The following AIG1 variants were observed in gnomAD, a reference collection of about 807,000 sequenced individuals.
AIG1 encodes androgen-induced gene 1 protein.
Under a neutral mutation model 31.4 loss-of-function variants are expected in AIG1, and 23 were observed. The observed-to-expected ratio is 0.73, with a 90% CI of 0.53 to 1.04. The LOEUF (loss-of-function observed/expected upper bound fraction) is 1.04. Ranked by LOEUF, AIG1 falls within the 50% of genes least tolerant of loss-of-function variation. The pLI, the probability that AIG1 is intolerant of heterozygous loss-of-function variation, is 0.00. For synonymous variants in AIG1, 100 were observed against 110.5 expected (o/e 0.90, Z 0.60); for missense variants, 274 against 295.0 (o/e 0.93, Z 0.52).
intron 4 of AIG1, among the ~76,000 whole-genome samples, chr6:143,300,616 A>G (rs975358691): frequency 6.6e-6 from 1 of 152,202 alleles, no homozygotes; most frequent in African/African-American, 2.4e-5. Context: ...GCTTTCAAAG[A>G]CCTTTTAAAT....
Position 143,338,144 on chromosome 6 carries a change from T to C in AIG1, c.680-1495T>C, listed in dbSNP as rs1039477997. ...TTTAAAAAGAAAAGCAAACTGCTCTTAGCCCCTGATAGCTTCTCCACAGGA... is the reference window on the plus strand; with the variant it reads ...TTTAAAAAGAAAAGCAAACTGCTCTCAGCCCCTGATAGCTTCTCCACAGGA... On this transcript the variant is annotated intron_variant, in intron 5 of 5. Coordinates refer to ENST00000357847, the MANE Select transcript of AIG1 (RefSeq NM_016108.4). This position sits in a 1 kb window ranked among gnomAD's most constrained non-coding sequence, Gnocchi z 4.3. 7.6e-6 allele frequency: 3 copies of C among 397,010 alleles called. No homozygotes were observed. The highest frequency in any genetic ancestry group is 4.4e-5 in the Admixed American group (1 of 22,668). 24.6% of individuals were successfully genotyped at this position (397,010 alleles called of 1,614,324 possible). A position where few individuals can be genotyped will look rare whatever the true frequency, so the allele number is the denominator to read the frequency against.
rs111541804 is a variant in AIG1, at chr6:143,076,051, G to A, written c.141+14985G>A. On this transcript the variant is annotated intron_variant, in intron 1 of 5. Coordinates refer to ENST00000357847, the MANE Select transcript of AIG1 (RefSeq NM_016108.4). ...GAAATATGTATTTTGCTTTTAGTAA[G>A]TGGAGTGTTTCTTAAATGTCAACTA... Among the ~76,000 whole-genome samples, 443 of 152,322 alleles carry A rather than the reference G, an allele frequency of 2.9e-3. 4 individuals are homozygous for A. The highest frequency in any genetic ancestry group is 0.01 in the African/African-American group (425 of 41,578).
At chr6:143,144,932 A>T (rs995743839) in intron 2 of AIG1, among the ~76,000 whole-genome samples, 1 of 152,240 alleles carries the variant, frequency 6.6e-6, no homozygotes. Context: ...TAATCCAGCC[A>T]ACTATGGTTT....
downstream of AIG1, chr6:143,343,390 G>A (rs1777895468): frequency 1.8e-6 from 1 of 562,056 alleles, no homozygotes; most frequent in Admixed American, 1.9e-5. Flanking sequence ...GTAAAACTGG[G>A]ATTGCACAGT....
At chr6:143,216,549 G>A (rs1792044243) in intron 3 of AIG1, among the ~76,000 whole-genome samples, 1 of 152,222 alleles carries the variant, frequency 6.6e-6, no homozygotes, top group Admixed American at 6.5e-5. Context: ...CAGGACAAGA[G>A]CTACTCTTGG....
At chr6:143,143,528 A>AAATATATATAT (rs1554249782) in intron 2 of AIG1, among the ~76,000 whole-genome samples, 1 of 27,790 alleles carries the variant, frequency 3.6e-5, no homozygotes, top group Admixed American at 4.8e-4. Context: ...AAAAAAAAAA[A>AAATATATATAT]ATATATATAT....
chr6:143,267,755 ATGAGCAGTTTT>A (rs2057206305), intron 3 of AIG1, among the ~76,000 whole-genome samples: 1 of 152,164 alleles, frequency 6.6e-6, no homozygotes, highest in Non-Finnish European at 1.5e-5. Context: ...ACAAAAGTTG[ATGAGCAGTTTT>A]TGAAGGTCCA....
intron 3 of AIG1, among the ~76,000 whole-genome samples, chr6:143,209,017 G>A (rs559801681): frequency 1.3e-5 from 2 of 152,124 alleles, no homozygotes; most frequent in Non-Finnish European, 2.9e-5. Context: ...GAGGGGTTTT[G>A]CCTCTGGAGC....
chr6:143,189,493 T>G (rs1789591576), intron 3 of AIG1: 1 of 985,308 alleles, frequency 1.0e-6, no homozygotes. Flanking sequence ...TGATATTTCA[T>G]TAGGTTTTGC....
chr6:143,064,456 C>T, intron 1 of AIG1, among the ~76,000 whole-genome samples: 1 of 152,196 alleles, frequency 6.6e-6, no homozygotes, highest in Non-Finnish European at 1.5e-5. Context: ...TCCAGGAACA[C>T]ATACCTGCTG....
chr6:143,144,632 C>G (rs1157846203), intron 2 of AIG1, among the ~76,000 whole-genome samples: 4 of 152,180 alleles, frequency 2.6e-5, no homozygotes, highest in African/African-American at 9.7e-5. Flanking sequence ...CAGAAATCCA[C>G]CTGGCTCACT....
intron 3 of AIG1, among the ~76,000 whole-genome samples, chr6:143,194,335 A>C (rs1790047062): frequency 6.6e-6 from 1 of 152,172 alleles, no homozygotes; most frequent in Non-Finnish European, 1.5e-5. Context: ...CTATCACGAG[A>C]ATAGCATGGG....
chr6:143,148,019 C>T (rs1006317127), intron 2 of AIG1, among the ~76,000 whole-genome samples: 4 of 152,052 alleles, frequency 2.6e-5, no homozygotes, highest in Non-Finnish European at 5.9e-5. Flanking sequence ...AGATGGGATT[C>T]CCATTTTATA....
At chr6:143,189,961 C>T (rs777595734) in intron 3 of AIG1, 1 of 532,670 alleles carries the variant, frequency 1.9e-6, no homozygotes, top group South Asian at 8.2e-5. Flanking sequence ...GATGAGGATC[C>T]TCTTCCAGAT....
chr6:143,224,386 T>C (rs1339454950), intron 3 of AIG1, among the ~76,000 whole-genome samples: 2 of 152,206 alleles, frequency 1.3e-5, no homozygotes, highest in African/African-American at 2.4e-5. Context: ...TTTGGAACTA[T>C]GTGGGTCTGG....
chr6:143,060,772 G>A (rs1776147747), upstream of AIG1: 2 of 155,640 alleles, frequency 1.3e-5, no homozygotes, highest in Non-Finnish European at 2.6e-5. Context: ...CCAGTCCCCG[G>A]GGGCGCGCGC....
intron 3 of AIG1, among the ~76,000 whole-genome samples, chr6:143,182,449 C>T (rs949865366): frequency 6.6e-6 from 1 of 152,070 alleles, no homozygotes; most frequent in Non-Finnish European, 1.5e-5. Flanking sequence ...TCCTTGAGCA[C>T]CCCAGGTACA....
Position 143,299,958 on chromosome 6 carries a change from C to T in AIG1, c.515+15733C>T, listed in dbSNP as rs1488274223. Reference sequence around the variant, plus strand: ...GCACCCTCCATTCACCCCATCATAGCATTTCTGACACTGCTGTGAAACATC... The same window carrying T: ...GCACCCTCCATTCACCCCATCATAGTATTTCTGACACTGCTGTGAAACATC... On this transcript the variant is annotated intron_variant, in intron 4 of 5. Transcript: ENST00000357847. The surrounding 1 kb of genome is among the most constrained non-coding windows in gnomAD (Gnocchi z 4.1). Among the ~76,000 whole-genome samples the T allele has an allele frequency of 6.6e-6, 1 of 152,194 alleles. No homozygotes were observed. The highest frequency in any genetic ancestry group is 6.5e-5 in the Admixed American group (1 of 15,278).
intron 1 of AIG1, among the ~76,000 whole-genome samples, chr6:143,089,797 A>G (rs1779135643): frequency 6.6e-6 from 1 of 152,070 alleles, no homozygotes; most frequent in Non-Finnish European, 1.5e-5. Flanking sequence ...GATATAACCC[A>G]TTTACTGCCC....
Sources: allele counts gnomAD v4.1 joint callset (sites outside exome capture counted in the v4.1 genomes callset), GRCh38; gene constraint gnomAD v4.1.1; non-coding constraint Gnocchi (gnomAD v3.1); transcripts MANE v1.5; gene names NCBI Gene and HGNC (gene_info 2026-07-23, HGNC 2026-07-21).